Variants in SOAT1 observed in about 807,000 individuals in gnomAD.
SOAT1 encodes the protein sterol O-acyltransferase 1.
A neutral mutation model predicts 69.5 loss-of-function variants in SOAT1; 55 were observed. The observed-to-expected ratio is 0.79, with a 90% CI of 0.64 to 0.99. The LOEUF is 0.99. SOAT1 is among the 50% of genes least tolerant of loss of function. The pLI is 0.00. For missense variants in SOAT1, 580 were observed against 669.3 expected, an observed-to-expected ratio of 0.87 and a Z score of 1.47; for synonymous variants, 231 against 224.7, an observed-to-expected ratio of 1.03 and a Z score of -0.25.
intron 3 of SOAT1, among the ~76,000 whole-genome samples, chr1:179,332,915 A>G (rs1221333535): frequency 1.4e-5 from 2 of 146,802 alleles, no homozygotes; most frequent in Non-Finnish European, 3.1e-5. Flanking sequence ...GATTCAGGAA[A>G]TGTAAGCGTC....
At chr1:179,325,775 G>A (rs76508075) in intron 3 of SOAT1, among the ~76,000 whole-genome samples, 1,632 of 152,258 alleles carry the variant, frequency 0.011, 17 homozygotes, top group East Asian at 0.019. Flanking sequence ...TTGGGGGAAA[G>A]GGGTAGAAAG....
In SOAT1 at chr1:179,347,128, G is replaced by T. The variant is rs1036602925; in HGVS notation, c.1118-472G>T. Among the ~76,000 whole-genome samples, 8 of 152,208 alleles carry T rather than the reference G, an allele frequency of 5.3e-5. No individual in the cohort carries two copies. The Middle Eastern group carries it at 0.017, about 324-fold the overall frequency. Reference sequence around the variant, plus strand: ...AATCCTAGCACTTCGGGAGGCTGAGGTGGGCAGATCACAAGGTCAGGAGAT... The same window carrying T: ...AATCCTAGCACTTCGGGAGGCTGAGTTGGGCAGATCACAAGGTCAGGAGAT... On this transcript the variant is annotated intron_variant, in intron 11 of 15. Coordinates refer to ENST00000367619, the MANE Select transcript of SOAT1 (RefSeq NM_003101.6).
At chr1:179,323,921 TG>T (rs1257490998) in intron 3 of SOAT1, among the ~76,000 whole-genome samples, 1 of 152,130 alleles carries the variant, frequency 6.6e-6, no homozygotes, top group Non-Finnish European at 1.5e-5. Flanking sequence ...TCATTTCAAG[TG>T]GGGATAAATA....
Position 179,342,843 on chromosome 1 carries a change from T to C in SOAT1, c.860-19T>C, listed in dbSNP as rs1666387089. On this transcript the variant is annotated intron_variant, in intron 8 of 15. Transcript: ENST00000367619. ...AAAATCAAAGAGCCTTTGCTCTAAC[T>C]ATAGTTTTCCTTTTCTAGGCACTGT... is the stretch of plus-strand genomic sequence containing the variant. 1.3e-6 allele frequency: 2 copies of C among 1,592,370 alleles called. No homozygotes were observed. Among genetic ancestry groups the C allele is most frequent in the Non-Finnish European group, 1.7e-6 (2 of 1,160,546 alleles).
intron 2 of SOAT1, among the ~76,000 whole-genome samples, chr1:179,309,937 C>G (rs2124945551): frequency 6.6e-6 from 1 of 151,870 alleles, no homozygotes. Context: ...CTCTGTTGCC[C>G]AGGCTGGAGT....
At chr1:179,326,030 C>T (rs996863333) in intron 3 of SOAT1, among the ~76,000 whole-genome samples, 2 of 152,080 alleles carry the variant, frequency 1.3e-5, no homozygotes, top group Non-Finnish European at 2.9e-5. Context: ...TTGTGCAAGA[C>T]TTGTTCCCTG....
chr1:179,325,113 T>C (rs537250242), intron 3 of SOAT1, among the ~76,000 whole-genome samples: 2 of 149,870 alleles, frequency 1.3e-5, no homozygotes, highest in East Asian at 4.1e-4. Flanking sequence ...CACGTGCTAG[T>C]TTTAAACATC....
At chr1:179,326,987 C>T (rs983510812) in intron 3 of SOAT1, among the ~76,000 whole-genome samples, 8 of 152,088 alleles carry the variant, frequency 5.3e-5, no homozygotes, top group Non-Finnish European at 1.2e-4. Flanking sequence ...TATTCTAGAC[C>T]GAGGAAACAG....
At chr1:179,335,736 G>A (rs1666124637) in intron 4 of SOAT1, 79 bp downstream of exon 4, 13 of 1,381,500 alleles carry the variant, frequency 9.4e-6, no homozygotes, top group Middle Eastern at 3.8e-4. Context: ...CGGCAAATAT[G>A]CTTGAGTTCA....
chr1:179,336,037 G>A (rs542796342), intron 4 of SOAT1, among the ~76,000 whole-genome samples: 404 of 151,780 alleles, frequency 2.7e-3, no homozygotes, highest in Non-Finnish European at 4.3e-3. Context: ...GGTGGCGGGC[G>A]TCTGTAATTG....
At chr1:179,342,047 A>G in intron 7 of SOAT1, 67 bp from the exon 8 acceptor site, 1 of 1,602,866 alleles carries the variant, frequency 6.2e-7, no homozygotes. Flanking sequence ...AATGCATTTG[A>G]CTAATGGAAA....
chr1:179,332,344 C>A (rs1323689256), intron 3 of SOAT1, among the ~76,000 whole-genome samples: 1 of 152,164 alleles, frequency 6.6e-6, no homozygotes, highest in Non-Finnish European at 1.5e-5. Context: ...CCAGCCTTAT[C>A]TCTGATCATT....
rs1665678729 is a variant in SOAT1, at chr1:179,323,507, C to T, written c.177+12C>T. On this transcript the variant is annotated intron_variant, in intron 3 of 15. Transcript: ENST00000367619. ...CAGCAGAGGCAGAGGCAAGTAACTC[C>T]CTCTTCTAGAAACAAAAATGTAGAG... The T allele has an allele frequency of 6.2e-7, 1 of 1,610,100 alleles. No individual in the cohort carries two copies. The highest frequency in any genetic ancestry group is 1.1e-5 in the South Asian group (1 of 90,758).
At chr1:179,323,045 C>CTTTTT (rs36045111) in intron 2 of SOAT1, among the ~76,000 whole-genome samples, 3 of 126,728 alleles carry the variant, frequency 2.4e-5, no homozygotes, top group East Asian at 2.3e-4. Context: ...TCTTTTCTTT[C>CTTTTT]TTTTTTTTTT....
chr1:179,351,063 G>A (rs1272134660), intron 14 of SOAT1, among the ~76,000 whole-genome samples: 2 of 97,554 alleles, frequency 2.1e-5, no homozygotes, highest in African/African-American at 8.0e-5. Context: ...TTTTTTTTGA[G>A]ACAGAGTTTC....
rs1666683636 is a variant in SOAT1 at position 179,350,399 on chromosome 1, C to CCGTGCTCTT, written c.1429_1437dup (p.Val477_Phe479dup). ...GCTGTTTGCTTGAGCTTTTTCTATC[C>CCGTGCTCTT]CGTGCTCTTCGTGCTCTTCATGTTC... is the stretch of plus-strand genomic sequence containing the variant. On this transcript the variant is annotated inframe_insertion, in exon 14 of 16. Transcript: ENST00000367619. 6.2e-7 allele frequency: 1 copy of CCGTGCTCTT among 1,613,890 alleles called. No homozygotes were observed. Among genetic ancestry groups the CCGTGCTCTT allele is most frequent in the Non-Finnish European group, 8.5e-7 (1 of 1,179,968 alleles).
At chr1:179,300,345 T>A (rs1664794019) in intron 1 of SOAT1, among the ~76,000 whole-genome samples, 1 of 152,210 alleles carries the variant, frequency 6.6e-6, no homozygotes, top group African/African-American at 2.4e-5. Context: ...AGATAGATGC[T>A]CTTGTGGCTT....
intron 3 of SOAT1, 59 bp downstream of exon 3, chr1:179,323,554 G>T: frequency 1.4e-6 from 2 of 1,437,414 alleles, no homozygotes; most frequent in Non-Finnish European, 1.9e-6. Flanking sequence ...ATTTTGTTTG[G>T]TAACATTTTT....
At chr1:179,335,328 G>C (rs572162997) in intron 3 of SOAT1, among the ~76,000 whole-genome samples, 178 bp from the exon 4 acceptor site, 14 of 152,154 alleles carry the variant, frequency 9.2e-5, no homozygotes, top group Non-Finnish European at 1.8e-4. Flanking sequence ...TTGCCTTTTA[G>C]GTAGCTGTTT....
Sources: gnomAD v4.1 joint callset for allele counts (sites outside exome capture counted in the v4.1 genomes callset) on GRCh38, gnomAD v4.1.1 for gene constraint, MANE v1.5 for transcripts, NCBI Gene and HGNC (gene_info 2026-07-23, HGNC 2026-07-21) for gene names.